The following KDM4C variants were observed in gnomAD, a reference collection of about 807,000 sequenced individuals.
KDM4C encodes lysine-specific demethylase 4C.
In KDM4C, 81 loss-of-function variants were observed where a neutral mutation model predicts 129.3. The observed-to-expected ratio is 0.63, with a 90% confidence interval of 0.52 to 0.75. The LOEUF is 0.75. KDM4C is among the 30% of genes least tolerant of loss of function. The pLI, the probability that KDM4C is intolerant of heterozygous loss-of-function variation, is 0.00. For missense variants in KDM4C, 1,457 were observed against 1,304.0 expected, an observed-to-expected ratio of 1.12 and a Z score of -1.81; for synonymous variants, 573 against 456.1, an observed-to-expected ratio of 1.26 and a Z score of -3.26.
intron 1 of KDM4C, among the ~76,000 whole-genome samples, chr9:6,737,317 G>T (rs946254584): frequency 1.3e-5 from 2 of 151,812 alleles, no homozygotes; most frequent in Non-Finnish European, 2.9e-5. Context: ...AATCCATAAG[G>T]AACTTAAACA....
intron 1 of KDM4C, among the ~76,000 whole-genome samples, chr9:6,729,007 C>T (rs1435507178): frequency 6.6e-6 from 1 of 151,572 alleles, no homozygotes; most frequent in Non-Finnish European, 1.5e-5. Context: ...AGTTCAAGAT[C>T]AGCCTGGCCA....
chr9:6,840,597 A>G (rs532684240), intron 4 of KDM4C, among the ~76,000 whole-genome samples: 74 of 152,082 alleles, frequency 4.9e-4, no homozygotes, highest in African/African-American at 1.7e-3. Context: ...GGGTTTCACC[A>G]TATTGGCCAG....
At chr9:6,735,167 C>A (rs1221806307) in intron 1 of KDM4C, 38 of 221,258 alleles carry the variant, frequency 1.7e-4, no homozygotes, top group Non-Finnish European at 1.2e-4. Context: ...CCCCAGCATC[C>A]CATCAAACTG....
rs531025913 is a variant in KDM4C at position 6,794,494 on chromosome 9, C to T, written c.144+1362C>T. 2.0e-5 allele frequency among the ~76,000 whole-genome samples: 3 copies of T among 152,230 alleles called. No individual in the cohort carries two copies. The South Asian group carries it at 6.2e-4, about 32-fold the overall frequency. The stretch of plus-strand genomic sequence containing the variant: ...AAAGTGGGAGAGGAAGATATGGTGG[C>T]TGTTTGTTTCTTTCTTTTGCTATTT... On this transcript the variant is annotated intron_variant, in intron 2 of 21. Coordinates refer to ENST00000381309, the MANE Select transcript of KDM4C (RefSeq NM_015061.6).
At chr9:6,836,143 G>C (rs192925858) in intron 4 of KDM4C, among the ~76,000 whole-genome samples, 1 of 152,196 alleles carries the variant, frequency 6.6e-6, no homozygotes, top group East Asian at 1.9e-4. Context: ...GAGACCAGTT[G>C]AATAAAAGTG....
chr9:6,978,961 A>G (rs995142739), intron 8 of KDM4C: 3 of 151,486 alleles, frequency 2.0e-5, no homozygotes, highest in African/African-American at 7.3e-5. Flanking sequence ...TTTTTCTGAG[A>G]CACTTTCCTC....
chr9:7,135,952 C>T (rs943977693), intron 19 of KDM4C, among the ~76,000 whole-genome samples: 1 of 152,194 alleles, frequency 6.6e-6, no homozygotes, highest in African/African-American at 2.4e-5. Flanking sequence ...TATACTCCCT[C>T]ACCACCACCA....
Position 6,805,731 on chromosome 9 carries a change from G to A in KDM4C, c.277G>A (p.Ala93Thr). 9 of 1,614,018 alleles carry A rather than the reference G, an allele frequency of 5.6e-6. No individual in the cohort carries two copies. The highest frequency in any genetic ancestry group is 6.8e-6 in the Non-Finnish European group (8 of 1,179,968). ...LFTQYNIQKKAMTVKEFRQLA... is the reference protein window; with the variant it reads ...LFTQYNIQKKTMTVKEFRQLA... ...CACTCAGTACAACATCCAGAAAAAAGCGATGACTGTGAAGGAGTTCAGGCA... is the reference window on the plus strand; with the variant it reads ...CACTCAGTACAACATCCAGAAAAAAACGATGACTGTGAAGGAGTTCAGGCA... Residue 93 changes from alanine to threonine, a missense_variant, in exon 3 of 22, where the codon GCG (alanine) becomes ACG (threonine). Coordinates refer to ENST00000381309, the MANE Select transcript of KDM4C (RefSeq NM_015061.6).
chr9:6,948,753 T>C (rs1442547663), intron 8 of KDM4C, among the ~76,000 whole-genome samples: 3 of 152,124 alleles, frequency 2.0e-5, no homozygotes, highest in African/African-American at 7.2e-5. Context: ...TTAATCCATT[T>C]AACCCTGAGT....
intron 2 of KDM4C, among the ~76,000 whole-genome samples, chr9:6,805,205 A>G (rs1829744818): frequency 6.6e-6 from 1 of 152,124 alleles, no homozygotes; most frequent in African/African-American, 2.4e-5. Context: ...TGCCAATTTC[A>G]TCTATTGAGA....
intron 5 of KDM4C, among the ~76,000 whole-genome samples, chr9:6,869,088 A>C (rs1018834495): frequency 1.6e-4 from 24 of 152,076 alleles, no homozygotes; most frequent in Non-Finnish European, 2.8e-4. Flanking sequence ...ATGGTTATCG[A>C]ATTGTATTTG....
chr9:6,929,066 A>G (rs1823173531), intron 8 of KDM4C, among the ~76,000 whole-genome samples: 1 of 152,290 alleles, frequency 6.6e-6, no homozygotes, highest in African/African-American at 2.4e-5. Flanking sequence ...TCCAAACACT[A>G]CACTTCAAGG....
intron 12 of KDM4C, 88 bp downstream of exon 12, chr9:6,990,612 A>G (rs1348179535): frequency 2.5e-6 from 2 of 806,152 alleles, no homozygotes; most frequent in Non-Finnish European, 4.0e-6. Context: ...AATAGAAAAA[A>G]AATTCAACAA....
intron 12 of KDM4C, among the ~76,000 whole-genome samples, chr9:6,994,630 C>A (rs755579976): frequency 6.6e-6 from 1 of 152,118 alleles, no homozygotes; most frequent in Non-Finnish European, 1.5e-5. Context: ...AGTGGGAATG[C>A]CCTGGATAAG....
At chr9:6,870,079 T>C (rs1432926073) in intron 5 of KDM4C, among the ~76,000 whole-genome samples, 1 of 152,228 alleles carries the variant, frequency 6.6e-6, no homozygotes, top group Admixed American at 6.5e-5. Flanking sequence ...TATTATAAAT[T>C]AACTACTTCA....
intron 1 of KDM4C, among the ~76,000 whole-genome samples, chr9:6,785,794 G>A (rs72699662): frequency 0.061 from 9,267 of 152,242 alleles, 431 homozygotes; most frequent in Non-Finnish European, 0.094. Flanking sequence ...TCTTTTGGGG[G>A]GACACAAGTC....
At chr9:6,987,184 A>G (rs1817873863) in intron 11 of KDM4C, among the ~76,000 whole-genome samples, 1 of 152,108 alleles carries the variant, frequency 6.6e-6, no homozygotes, top group Non-Finnish European at 1.5e-5. Flanking sequence ...CTTCTATTTC[A>G]GTGTCAGGAC....
At chr9:6,800,455 C>A (rs150623246) in intron 2 of KDM4C, among the ~76,000 whole-genome samples, 2,123 of 152,096 alleles carry the variant, frequency 0.014, 52 homozygotes, top group African/African-American at 0.049. Flanking sequence ...GGGAGGATTT[C>A]TTGAGCCTGA....
At chr9:6,923,642 C>G (rs1821951193) in intron 8 of KDM4C, among the ~76,000 whole-genome samples, 1 of 152,172 alleles carries the variant, frequency 6.6e-6, no homozygotes, top group Non-Finnish European at 1.5e-5. Context: ...TCTTCAGAGT[C>G]TTGTGGGGTT....
Sources: allele counts gnomAD v4.1 joint callset (sites outside exome capture counted in the v4.1 genomes callset), GRCh38; gene constraint gnomAD v4.1.1; transcripts MANE v1.5; gene names NCBI Gene and HGNC (gene_info 2026-07-23, HGNC 2026-07-21).